TENM3: variants seen among roughly 807,000 people sequenced by gnomAD.
TENM3 encodes teneurin-3.
In TENM3, 63 loss-of-function variants were observed where a neutral mutation model predicts 255.1. That is an observed-to-expected ratio of 0.25 (90% confidence interval 0.20 to 0.30). TENM3 has a LOEUF of 0.30. TENM3 is among the 10% of genes least tolerant of loss of function. The pLI is 1.00. For missense variants in TENM3, 2,929 were observed against 3,461.1 expected (o/e 0.85, Z 3.86); for synonymous variants, 1,306 against 1,322.3 (o/e 0.99, Z 0.27).
the TENM3 span, among the ~76,000 whole-genome samples, chr4:182,113,694 A>C: frequency 6.6e-6 from 1 of 152,122 alleles, no homozygotes; most frequent in African/African-American, 2.4e-5. Context: ...TGGTGGGAGA[A>C]GTGTGGGGGA....
the TENM3 span, among the ~76,000 whole-genome samples, chr4:181,710,737 C>T: frequency 5.3e-5 from 8 of 150,740 alleles, no homozygotes; most frequent in Non-Finnish European, 1.0e-4. Context: ...TTTGTGAGAA[C>T]GGGGTCTCGC....
At chr4:182,334,384 A>G (rs35789608) in intron 2 of TENM3, among the ~76,000 whole-genome samples, 25,131 of 152,118 alleles carry the variant, frequency 0.17, 2,607 homozygotes, top group East Asian at 0.36. Flanking sequence ...AAGGATATCA[A>G]ATAGAATTCC....
the TENM3 span, among the ~76,000 whole-genome samples, chr4:181,571,629 T>C: frequency 2.0e-5 from 3 of 152,228 alleles, no homozygotes; most frequent in African/African-American, 7.2e-5. Context: ...TGAGCCACCG[T>C]GCCTGGCCCT....
intron 3 of TENM3, among the ~76,000 whole-genome samples, chr4:182,504,246 G>T (rs867492274): frequency 6.6e-5 from 10 of 151,494 alleles, no homozygotes; most frequent in African/African-American, 1.9e-4. Context: ...ATTTTCTTTG[G>T]TTTTTGTGGT....
chr4:181,589,814 G>T, the TENM3 span, among the ~76,000 whole-genome samples: 1 of 152,160 alleles, frequency 6.6e-6, no homozygotes, highest in Non-Finnish European at 1.5e-5. Flanking sequence ...AATAAAGACC[G>T]TACGTGATTC....
the TENM3 span, among the ~76,000 whole-genome samples, chr4:181,761,304 C>T: frequency 2.6e-5 from 4 of 151,984 alleles, no homozygotes; most frequent in African/African-American, 4.8e-5. Context: ...TCATAACTGC[C>T]GTATAAAGTA....
chr4:181,805,520 G>A, the TENM3 span, among the ~76,000 whole-genome samples: 1 of 152,166 alleles, frequency 6.6e-6, no homozygotes, highest in East Asian at 1.9e-4. Context: ...ACTAGCTCCT[G>A]TTCTGAGGTT....
chr4:181,502,682 C>T, the TENM3 span, among the ~76,000 whole-genome samples: 1 of 152,164 alleles, frequency 6.6e-6, no homozygotes, highest in African/African-American at 2.4e-5. Context: ...TGCTATGGGC[C>T]TGGCTTCCAG....
chr4:182,280,043 G>T (rs142020419), intron 1 of TENM3, among the ~76,000 whole-genome samples: 9 of 152,138 alleles, frequency 5.9e-5, no homozygotes, highest in African/African-American at 2.2e-4. Flanking sequence ...AATTTTTCCT[G>T]AACATTTTCT....
chr4:182,539,058 G>A (rs1369780578), intron 3 of TENM3, among the ~76,000 whole-genome samples: 1 of 151,724 alleles, frequency 6.6e-6, no homozygotes, highest in African/African-American at 2.4e-5. Flanking sequence ...CTGACACTGT[G>A]CGTATAGATG....
the TENM3 span, among the ~76,000 whole-genome samples, chr4:181,951,056 A>T: frequency 6.6e-6 from 1 of 152,052 alleles, no homozygotes; most frequent in African/African-American, 2.4e-5. Context: ...AAACAAAAAC[A>T]TCAACAAACA....
At chr4:182,249,226 G>A (rs1394875278) in intron 1 of TENM3, among the ~76,000 whole-genome samples, 1 of 152,194 alleles carries the variant, frequency 6.6e-6, no homozygotes, top group Non-Finnish European at 1.5e-5. Flanking sequence ...CAGCCAGATG[G>A]AAGTGGAATT....
chr4:182,030,693 C>T, the TENM3 span, among the ~76,000 whole-genome samples: 1 of 151,814 alleles, frequency 6.6e-6, no homozygotes, highest in African/African-American at 2.4e-5. Flanking sequence ...ATTTACATTC[C>T]CACTGACAGT....
At chr4:181,782,343 T>C in the TENM3 span, among the ~76,000 whole-genome samples, 2 of 152,182 alleles carry the variant, frequency 1.3e-5, no homozygotes, top group African/African-American at 4.8e-5. Flanking sequence ...CCTGGTTTAG[T>C]CTTGGGAGGG....
chr4:182,791,417 C>G (rs1172328214), intron 25 of TENM3, among the ~76,000 whole-genome samples: 1 of 152,182 alleles, frequency 6.6e-6, no homozygotes, highest in Non-Finnish European at 1.5e-5. Context: ...CCTGGGATGA[C>G]CTTCTCTCAC....
chr4:182,770,389 C>T (rs1235042109), intron 22 of TENM3, among the ~76,000 whole-genome samples: 7 of 152,160 alleles, frequency 4.6e-5, no homozygotes, highest in Admixed American at 3.9e-4. Flanking sequence ...CCAAGGCTCC[C>T]TTCCAGTATG....
chr4:182,065,361 G>C, the TENM3 span, among the ~76,000 whole-genome samples: 1 of 152,146 alleles, frequency 6.6e-6, no homozygotes, highest in Non-Finnish European at 1.5e-5. Context: ...AAAGAAAAGA[G>C]GTTTAATTGG....
At chr4:181,667,000 A>C in the TENM3 span, among the ~76,000 whole-genome samples, 1 of 152,212 alleles carries the variant, frequency 6.6e-6, no homozygotes, top group Non-Finnish European at 1.5e-5. Flanking sequence ...ATGCAGACAT[A>C]CTATCATACT....
At chr4:182,418,131 T>C (rs573814658) in intron 3 of TENM3, among the ~76,000 whole-genome samples, 1 of 152,304 alleles carries the variant, frequency 6.6e-6, no homozygotes, top group East Asian at 1.9e-4. Context: ...ACAGATGTTT[T>C]TGAAAATACT....
Sources: gnomAD v4.1 joint callset for allele counts (sites outside exome capture counted in the v4.1 genomes callset) on GRCh38, gnomAD v4.1.1 for gene constraint, MANE v1.5 for transcripts, NCBI Gene and HGNC (gene_info 2026-07-23, HGNC 2026-07-21) for gene names.